The following USP15 variants were observed in gnomAD, a reference collection of about 807,000 sequenced individuals.
USP15 encodes ubiquitin specific peptidase 15.
Under a neutral mutation model 127.1 loss-of-function variants are expected in USP15, and 18 were observed. The ratio of observed to expected loss-of-function variants is 0.14; its 90% confidence interval spans 0.10 to 0.21. The LOEUF (loss-of-function observed/expected upper bound fraction) is 0.21, where lower values mean the gene tolerates loss of function less well. USP15 is among the 10% of genes least tolerant of loss of function. The pLI is 1.00. For synonymous variants in USP15, 364 were observed against 393.7 expected (o/e 0.92, Z 0.89); for missense variants, 805 against 1,159.9 (o/e 0.69, Z 4.44).
intron 6 of USP15, among the ~76,000 whole-genome samples, chr12:62,326,195 A>G (rs1162058234): frequency 6.6e-6 from 1 of 152,202 alleles, no homozygotes; most frequent in African/African-American, 2.4e-5. Context: ...GTTGTCTGAT[A>G]CAGTCAAATC....
intron 19 of USP15, 59 bp from the exon 20 acceptor site, chr12:62,396,236 A>G: frequency 7.3e-7 from 1 of 1,370,476 alleles, no homozygotes; most frequent in Non-Finnish European, 9.9e-7. Flanking sequence ...GCAGAAGGGA[A>G]TAGAATTCAT....
chr12:62,306,772 A>C (rs1486913805), intron 3 of USP15, among the ~76,000 whole-genome samples: 1 of 152,160 alleles, frequency 6.6e-6, no homozygotes, highest in Admixed American at 6.6e-5. Context: ...CTGAGCAAAG[A>C]TAAAACTCAG....
chr12:62,270,329 G>T (rs1447211334), intron 1 of USP15, among the ~76,000 whole-genome samples: 2 of 151,700 alleles, frequency 1.3e-5, no homozygotes, highest in East Asian at 1.9e-4. Context: ...TTACTTTCTT[G>T]GTAGTGTCCA....
intron 6 of USP15, among the ~76,000 whole-genome samples, chr12:62,326,344 A>G (rs1003190909): frequency 6.6e-6 from 1 of 152,162 alleles, no homozygotes; most frequent in African/African-American, 2.4e-5. Flanking sequence ...AAGAACAAAT[A>G]GAGGTAGAGG....
intron 1 of USP15, chr12:62,274,176 C>G (rs1349483795): frequency 6.6e-6 from 1 of 151,994 alleles, no homozygotes. Context: ...GTTATATAAC[C>G]TCTCTGAGTT....
At chr12:62,262,120 C>T (rs1314673734) in intron 1 of USP15, among the ~76,000 whole-genome samples, 1 of 152,002 alleles carries the variant, frequency 6.6e-6, no homozygotes, top group African/African-American at 2.4e-5. Context: ...CGCCTGTGGT[C>T]CCAGCTACTC....
intron 1 of USP15, among the ~76,000 whole-genome samples, chr12:62,291,008 T>C (rs2063949193): frequency 1.3e-5 from 2 of 152,190 alleles, no homozygotes; most frequent in Non-Finnish European, 2.9e-5. Context: ...GAGTTTCCTT[T>C]GTAGGTGTCC....
intron 16 of USP15, 31 bp downstream of exon 16, chr12:62,391,460 TAAAC>T: frequency 6.3e-7 from 1 of 1,579,626 alleles, no homozygotes; most frequent in Non-Finnish European, 8.5e-7. Flanking sequence ...GCTTGAACAT[TAAAC>T]AAGCCGAGCA....
intron 1 of USP15, among the ~76,000 whole-genome samples, chr12:62,262,094 G>T (rs1242316099): frequency 1.3e-5 from 2 of 152,016 alleles, no homozygotes; most frequent in Non-Finnish European, 2.9e-5. Flanking sequence ...AAAAAAATTA[G>T]CTGGGCATGG....
chr12:62,361,732 A>C (rs186393519), intron 8 of USP15, among the ~76,000 whole-genome samples: 33 of 152,118 alleles, frequency 2.2e-4, no homozygotes, highest in Admixed American at 9.2e-4. Flanking sequence ...AAGGAAAGAA[A>C]AACCTATTTC....
chr12:62,272,400 G>T (rs1486600641), intron 1 of USP15, among the ~76,000 whole-genome samples: 2 of 151,854 alleles, frequency 1.3e-5, no homozygotes, highest in Non-Finnish European at 2.9e-5. Flanking sequence ...TTAATATTAG[G>T]CAATTAAGCA....
Position 62,349,271 on chromosome 12 carries a change from C to T in USP15, c.734C>T (p.Ser245Phe), listed in dbSNP as rs2065903356. The T allele has an allele frequency of 2.0e-6, 3 of 1,505,482 alleles. No individual in the cohort carries two copies. The highest frequency in any genetic ancestry group is 2.1e-5 in the Admixed American group (1 of 48,170). The allele number at this position is 1,505,482 out of a possible 1,614,324, so 93.3% of individuals were successfully genotyped here. A position where few individuals can be genotyped will look rare whatever the true frequency, so the allele number is the denominator to read the frequency against. Residue 245 changes from serine (S) to phenylalanine (F), a missense_variant, in exon 7 of 22, where the codon TCT becomes TTT. Ser to Phe is a radical substitution (Grantham distance 155). Transcript: ENST00000280377. ...FSTLPKISPS[S>F]LSNNYNNMNN... ...ACTTTACCAAAGATCTCTCCTTCATCTCTATCAAATAATTATAACAACATG... is the reference window on the plus strand; with the variant it reads ...ACTTTACCAAAGATCTCTCCTTCATTTCTATCAAATAATTATAACAACATG...
chr12:62,284,899 A>G (rs1218172697), intron 1 of USP15, among the ~76,000 whole-genome samples: 3 of 152,066 alleles, frequency 2.0e-5, no homozygotes, highest in Non-Finnish European at 2.9e-5. Flanking sequence ...ATGAGAAGCT[A>G]GTTTCTAGGC....
intron 1 of USP15, among the ~76,000 whole-genome samples, chr12:62,271,321 A>G (rs2063340859): frequency 6.6e-6 from 1 of 152,064 alleles, no homozygotes; most frequent in Admixed American, 6.6e-5. Context: ...AAAAATATTC[A>G]TGGAATGATA....
At chr12:62,278,466 G>A (rs150424171) in intron 1 of USP15, among the ~76,000 whole-genome samples, 3 of 152,286 alleles carry the variant, frequency 2.0e-5, no homozygotes, top group African/African-American at 7.2e-5. Context: ...AAGATTGGCA[G>A]CACAGTAGGT....
intron 4 of USP15, among the ~76,000 whole-genome samples, chr12:62,316,441 T>C (rs1425841127): frequency 1.3e-5 from 2 of 152,058 alleles, no homozygotes; most frequent in Non-Finnish European, 2.9e-5. Flanking sequence ...AAATAAGATA[T>C]TTCTACATAT....
At chr12:62,280,624 C>T (rs2063622174) in intron 1 of USP15, among the ~76,000 whole-genome samples, 1 of 152,114 alleles carries the variant, frequency 6.6e-6, no homozygotes, top group Non-Finnish European at 1.5e-5. Flanking sequence ...ATCTAATCAC[C>T]TCCTAATTCC....
intron 8 of USP15, among the ~76,000 whole-genome samples, chr12:62,361,098 G>A (rs73136858): frequency 0.078 from 11,859 of 152,056 alleles, 586 homozygotes; most frequent in Middle Eastern, 0.16. Context: ...TGGGAAAGAA[G>A]AACCTACGTT....
chr12:62,363,750 G>A (rs897528330), intron 8 of USP15, among the ~76,000 whole-genome samples: 7 of 151,838 alleles, frequency 4.6e-5, no homozygotes, highest in Non-Finnish European at 5.9e-5. Flanking sequence ...TTTTGTTTTA[G>A]TCACTGTTGT....
Sources: allele counts gnomAD v4.1 joint callset (sites outside exome capture counted in the v4.1 genomes callset), GRCh38; gene constraint gnomAD v4.1.1; transcripts MANE v1.5; gene names NCBI Gene and HGNC (gene_info 2026-07-23, HGNC 2026-07-21).